The following PURG variants were observed in gnomAD, a reference collection of about 807,000 sequenced individuals.
The protein encoded by PURG is purine rich element binding protein G.
Under a neutral mutation model 24.3 loss-of-function variants are expected in PURG, and 3 were observed. That is an observed-to-expected ratio of 0.12 (90% confidence interval 0.06 to 0.32). PURG has a LOEUF of 0.32. PURG is among the 10% of genes least tolerant of loss of function. The probability of loss-of-function intolerance (pLI) is 1.00; values close to 1 mark genes in which losing one functional copy is unlikely to be tolerated. For synonymous variants in PURG, 180 were observed against 173.1 expected, an observed-to-expected ratio of 1.04 and a Z score of -0.31; for missense variants, 371 against 439.1, an observed-to-expected ratio of 0.84 and a Z score of 1.39.
At position 30,998,403 on chromosome 8, in the gene PURG, C is replaced by T. The variant is rs542137371; in HGVS notation, c.865-1706G>A. On this transcript the variant is annotated intron_variant, in intron 1 of 1. Transcript: ENST00000339382. ...GGATTTTTGACATATTCTATACAGACGAATAGCTAGTTCAAGGTAATAAAG... is the reference window on the plus strand; with the variant it reads ...GGATTTTTGACATATTCTATACAGATGAATAGCTAGTTCAAGGTAATAAAG... Among the ~76,000 whole-genome samples the T allele has an allele frequency of 3.1e-4, 47 of 151,724 alleles. No individual in the cohort carries two copies. The South Asian group carries it at 9.3e-3, about 30-fold the overall frequency.
At chr8:31,018,932 T>C (rs995313622) in intron 1 of PURG, among the ~76,000 whole-genome samples, 9 of 150,558 alleles carry the variant, frequency 6.0e-5, no homozygotes, top group Middle Eastern at 3.2e-3. Flanking sequence ...TCGAGACCAT[T>C]CTGGCTAACA....
intron 1 of PURG, among the ~76,000 whole-genome samples, chr8:30,999,461 A>G (rs1387660183): frequency 6.6e-6 from 1 of 151,920 alleles, no homozygotes. Context: ...AACTCATTGC[A>G]AAGAATAGTT....
chr8:30,997,214 T>C (rs16877626), intron 1 of PURG, among the ~76,000 whole-genome samples: 1,891 of 151,894 alleles, frequency 0.012, 45 homozygotes, highest in African/African-American at 0.043. Context: ...TTTCCAAGTT[T>C]AAAAAAATCC....
chr8:30,997,208 C>T (rs1008381900), intron 1 of PURG, among the ~76,000 whole-genome samples: 4 of 151,468 alleles, frequency 2.6e-5, no homozygotes, highest in African/African-American at 9.7e-5. Flanking sequence ...ATTTGTTTTC[C>T]AAGTTTAAAA....
At chr8:31,005,148 G>C (rs1193118140) in intron 1 of PURG, among the ~76,000 whole-genome samples, 1 of 152,038 alleles carries the variant, frequency 6.6e-6, no homozygotes, top group South Asian at 2.1e-4. Flanking sequence ...AAAAATACAC[G>C]CAGACCAGGC....
At chr8:31,015,734 A>C (rs1353297694) in intron 1 of PURG, among the ~76,000 whole-genome samples, 1 of 152,188 alleles carries the variant, frequency 6.6e-6, no homozygotes, top group Admixed American at 6.5e-5. Flanking sequence ...ACCTGGATTT[A>C]TGCATTTAGC....
intron 1 of PURG, among the ~76,000 whole-genome samples, chr8:31,000,508 T>C (rs1324769284): frequency 2.0e-5 from 3 of 152,180 alleles, no homozygotes; most frequent in Admixed American, 6.5e-5. Flanking sequence ...AAAATTCTAT[T>C]GTTCAGAGGA....
rs1563312341 is a variant in PURG at position 31,032,338 on chromosome 8, TC to T, written c.444del (p.Arg149GlyfsTer23). On this transcript the variant is annotated frameshift_variant, in exon 2 of 2. Transcript: ENST00000523392. LOFTEE classifies it high-confidence loss of function. The surrounding 1 kb of genome is among the most constrained non-coding windows in gnomAD (Gnocchi z 5.9). ...HGHSKEQGSR[R>X]RQKHSAPSPP... ...GGGGAGGGTGCCGAGTGCTTCTGCC[TC>T]CTTCTGGAGCCTTGCTCTTTGCTGT... is the stretch of plus-strand genomic sequence containing the variant. 6.2e-7 allele frequency: 1 copy of T among 1,613,096 alleles called. No individual in the cohort carries two copies. The highest frequency in any genetic ancestry group is 8.5e-7 in the Non-Finnish European group (1 of 1,180,002).
intron 1 of PURG, among the ~76,000 whole-genome samples, chr8:31,010,968 G>A (rs1184319346): frequency 6.6e-6 from 1 of 152,102 alleles, no homozygotes; most frequent in African/African-American, 2.4e-5. Flanking sequence ...TCTATTAATT[G>A]TCTTCATTGC....
At chr8:31,016,044 C>T (rs1005924467) in intron 1 of PURG, among the ~76,000 whole-genome samples, 6 of 152,014 alleles carry the variant, frequency 3.9e-5, no homozygotes, top group African/African-American at 9.6e-5. Context: ...CAGAACAAGA[C>T]CCTGTCTCAA....
At chr8:31,021,173 A>C (rs533634932) in intron 1 of PURG, among the ~76,000 whole-genome samples, 1 of 152,354 alleles carries the variant, frequency 6.6e-6, no homozygotes, top group South Asian at 2.1e-4. Context: ...GACATCAATA[A>C]GATGGCAGGA....
chr8:31,019,571 G>A (rs1448393804), intron 1 of PURG, among the ~76,000 whole-genome samples: 1 of 151,396 alleles, frequency 6.6e-6, no homozygotes, highest in Non-Finnish European at 1.5e-5. Context: ...GACCTCAAAT[G>A]ATCTGCCTGC....
intron 1 of PURG, among the ~76,000 whole-genome samples, chr8:31,011,977 A>C (rs1209709480): frequency 6.6e-6 from 1 of 152,190 alleles, no homozygotes; most frequent in Non-Finnish European, 1.5e-5. Context: ...TTAGGTTTTA[A>C]AACTATCGCT....
intron 1 of PURG, among the ~76,000 whole-genome samples, chr8:31,022,210 A>G (rs1811010792): frequency 6.6e-6 from 1 of 152,148 alleles, no homozygotes; most frequent in South Asian, 2.1e-4. Context: ...AACTTAAGTG[A>G]TCCGCCCGCC....
At chr8:31,019,617 G>T (rs967068889) in intron 1 of PURG, among the ~76,000 whole-genome samples, 1 of 151,234 alleles carries the variant, frequency 6.6e-6, no homozygotes, top group Admixed American at 6.6e-5. Context: ...ACAGGTGTGA[G>T]CTACCATGCC....
downstream of PURG, among the ~76,000 whole-genome samples, chr8:31,026,735 T>G (rs1224239258): frequency 6.7e-6 from 1 of 150,260 alleles, no homozygotes; most frequent in African/African-American, 2.4e-5. Context: ...TGGTTGCTAC[T>G]TTTCACCCTC....
intron 1 of PURG, among the ~76,000 whole-genome samples, chr8:31,020,804 C>T (rs1199234756): frequency 6.6e-6 from 1 of 152,162 alleles, no homozygotes; most frequent in Non-Finnish European, 1.5e-5. Context: ...AAGGTAAAAT[C>T]TCATCAGCTG....
intron 1 of PURG, among the ~76,000 whole-genome samples, chr8:31,017,605 T>G (rs1463534202): frequency 1.3e-5 from 2 of 152,152 alleles, no homozygotes; most frequent in Admixed American, 1.3e-4. Flanking sequence ...AATGTTACAG[T>G]ATCACAAGAA....
intron 1 of PURG, among the ~76,000 whole-genome samples, chr8:31,017,008 T>G (rs1014709545): frequency 8.5e-5 from 13 of 152,172 alleles, no homozygotes; most frequent in African/African-American, 3.1e-4. Flanking sequence ...GAAAGAGATT[T>G]CAAATAATCT....
Sources: gnomAD v4.1 joint callset for allele counts (sites outside exome capture counted in the v4.1 genomes callset) on GRCh38, gnomAD v4.1.1 for gene constraint, Gnocchi (gnomAD v3.1) non-coding constraint, MANE v1.5 for transcripts, NCBI Gene and HGNC (gene_info 2026-07-23, HGNC 2026-07-21) for gene names.